ZNF358: variants seen among roughly 807,000 people sequenced by gnomAD.
ZNF358 encodes zinc finger protein 358.
Under a neutral mutation model 2.1 loss-of-function variants are expected in ZNF358, and 1 was observed. That is an observed-to-expected ratio of 0.49 (90% CI 0.17 to 2.30). The LOEUF (loss-of-function observed/expected upper bound fraction) is 2.30, where lower values mean the gene tolerates loss of function less well. ZNF358 is among the 30% of genes most tolerant of loss of function. The pLI, the probability that ZNF358 is intolerant of heterozygous loss-of-function variation, is 0.26. For missense variants in ZNF358, 665 were observed against 806.8 expected (o/e 0.82, Z 2.13); for synonymous variants, 381 against 359.7 (o/e 1.06, Z -0.67).
At position 7,520,291 on chromosome 19, in the gene ZNF358, C is replaced by T. The variant is rs780553494; in HGVS notation, c.1049C>T (p.Pro350Leu). 1.9e-6 allele frequency: 3 copies of T among 1,610,754 alleles called. No individual in the cohort carries two copies. The highest frequency in any genetic ancestry group is 4.5e-5 in the East Asian group (2 of 44,860). ...ACGGGCGAGCGGCCCTACGCCTGCCCGCACTGCTCCAAGGCCTTCGGCCAG... is the reference window on the plus strand; with the variant it reads ...ACGGGCGAGCGGCCCTACGCCTGCCTGCACTGCTCCAAGGCCTTCGGCCAG... ...IHTGERPYACPHCSKAFGQSS... is the reference protein window; with the variant it reads ...IHTGERPYACLHCSKAFGQSS... Residue 350 changes from proline to leucine, a missense_variant, in exon 2 of 2, where the codon CCG becomes CTG. Around this residue, in one of 3 missense-constraint regions of ZNF358, gnomAD observed 210 missense variants for 350.8 expected, o/e 0.60. Transcript: ENST00000597229. The surrounding 1 kb of genome is among the most constrained non-coding windows in gnomAD (Gnocchi z 6.0).
chr19:7,516,175 G>T lies in ZNF358; in HGVS notation c.-113G>T. ...GCCGCCGGCGGGGCTGGCGGGCGGG[G>T]GGCTTCCTGCGGGCCCGGGGGGAGC... is the stretch of plus-strand genomic sequence containing the variant. On this transcript the variant is annotated 5_prime_UTR_variant, in exon 1 of 2. Coordinates refer to ENST00000597229, the MANE Select transcript of ZNF358 (RefSeq NM_018083.5). This position sits in a 1 kb window ranked among gnomAD's most constrained non-coding sequence, Gnocchi z 5.9. The T allele has an allele frequency of 6.9e-6, 1 of 145,010 alleles. No homozygotes were observed. Among genetic ancestry groups the T allele is most frequent in the South Asian group, 2.0e-4 (1 of 5,096 alleles). 9.0% of individuals were successfully genotyped at this position (145,010 alleles called of 1,614,324 possible).
At chr19:7,514,020 A>G (rs183776070), upstream of ZNF358, 1 of 152,336 alleles carries the variant, frequency 6.6e-6, no homozygotes, top group Admixed American at 6.5e-5. Flanking sequence ...GGCTATATCC[A>G]GGAGCTCAAC....
intron 1 of ZNF358, 117 bp from the exon 2 acceptor site, chr19:7,519,084 AAAAG>A (rs1324857185): frequency 1.2e-4 from 148 of 1,192,312 alleles, no homozygotes; most frequent in African/African-American, 2.7e-4. Context: ...AAAAAAAAAA[AAAAG>A]AAGTGGGTTC....
chr19:7,515,325 GC>G (rs1457360756), upstream of ZNF358: 2 of 152,234 alleles, frequency 1.3e-5, no homozygotes, highest in Non-Finnish European at 2.9e-5. Context: ...GCCCTTCCCG[GC>G]CCGGCGTAGG....
chr19:7,518,362 G>A (rs1391076101), intron 1 of ZNF358, among the ~76,000 whole-genome samples: 1 of 151,946 alleles, frequency 6.6e-6, no homozygotes, highest in East Asian at 1.9e-4. Flanking sequence ...TGTAATCCCA[G>A]CACTTTCTGA....
chr19:7,518,598 A>AGAAAGAAAGGAAGAAT (rs111382515), intron 1 of ZNF358, among the ~76,000 whole-genome samples: 2 of 142,366 alleles, frequency 1.4e-5, no homozygotes, highest in Non-Finnish European at 3.0e-5. Context: ...AAAGAAAGAA[A>AGAAAGAAAGGAAGAAT]GAATTGAAGT....
intron 1 of ZNF358, among the ~76,000 whole-genome samples, chr19:7,517,311 C>T (rs908215214): frequency 3.9e-5 from 6 of 152,162 alleles, no homozygotes; most frequent in African/African-American, 1.4e-4. Context: ...CCGCCATGTC[C>T]CAGCCATGGG....
chr19:7,518,557 G>GAGAAAGAAGAAAGAAAGAA (rs1555740136), intron 1 of ZNF358, among the ~76,000 whole-genome samples: 1 of 116,066 alleles, frequency 8.6e-6, no homozygotes, highest in African/African-American at 3.8e-5. Flanking sequence ...GAGAGAGAGA[G>GAGAAAGAAGAAAGAAAGAA]AGAAAGAAAG....
In ZNF358 at chr19:7,519,338, T is replaced by C. The variant is rs1236850267; in HGVS notation, c.96T>C (p.Asn32=). Residue 32 remains asparagine (N), a synonymous_variant, in exon 2 of 2, where the codon AAT becomes AAC. Transcript: ENST00000597229. The part of the protein sequence containing the change: ...LDSDSEDLDP[N]PEDLDPVSED... ...CTGACTCCGAGGACCTAGACCCCAA[T>C]CCTGAAGATCTGGACCCGGTTTCTG... 12 of 1,613,296 alleles carry C rather than the reference T, an allele frequency of 7.4e-6. No homozygotes were observed. Among genetic ancestry groups the C allele is most frequent in the African/African-American group, 1.3e-5 (1 of 74,800 alleles).
rs996675901 is a variant in ZNF358, at chr19:7,516,774, G to A, written c.-39+525G>A. Among the ~76,000 whole-genome samples the A allele has an allele frequency of 2.6e-5, 4 of 152,064 alleles. No individual in the cohort carries two copies. The highest frequency in any genetic ancestry group is 2.0e-4 in the Admixed American group (3 of 15,280). Reference sequence around the variant, plus strand: ...GTTCTGGAAGCTCCTTTCCCTGGAGGTGATCCAGGGGTCCACCTGCCCTCA... The same window carrying A: ...GTTCTGGAAGCTCCTTTCCCTGGAGATGATCCAGGGGTCCACCTGCCCTCA... On this transcript the variant is annotated intron_variant, in intron 1 of 1. Transcript: ENST00000597229. This position sits in a 1 kb window ranked among gnomAD's most constrained non-coding sequence, Gnocchi z 5.9.
In ZNF358 at chr19:7,519,432, C is replaced by A; in HGVS notation, c.190C>A (p.Leu64Met). 6.2e-7 allele frequency: 1 copy of A among 1,614,146 alleles called. No homozygotes were observed. Among genetic ancestry groups the A allele is most frequent in the Non-Finnish European group, 8.5e-7 (1 of 1,180,036 alleles). ...PEDVDPSYED[L>M]EPVSEDLDPD... is the part of the protein sequence containing the mutation. ...AGACGTGGACCCCAGCTATGAAGAT[C>A]TGGAGCCCGTCTCGGAGGATCTGGA... Residue 64 changes from leucine to methionine, a missense_variant, in exon 2 of 2, where the codon CTG becomes ATG. Physicochemically the swap from Leu to Met is conservative, Grantham distance 15 (BLOSUM62 2). Around this residue, in one of 3 missense-constraint regions of ZNF358, gnomAD observed 206 missense variants for 228.4 expected, o/e 0.90. Transcript: ENST00000597229.
Position 7,519,408 on chromosome 19 carries a change from G to GA in ZNF358, c.167dup (p.Asp56GlufsTer7), listed in dbSNP as rs2022417613. ...TGAAGACCTCAACACTGTCCCGGAA[G>GA]ACGTGGACCCCAGCTATGAAGATCT... is the stretch of plus-strand genomic sequence containing the variant. On this transcript the variant is annotated frameshift_variant, in exon 2 of 2. Transcript: ENST00000597229. LOFTEE classifies it low-confidence loss of function (END_TRUNC). The GA allele has an allele frequency of 6.2e-7, 1 of 1,614,008 alleles. No homozygotes were observed. Among genetic ancestry groups the GA allele is most frequent in the Non-Finnish European group, 8.5e-7 (1 of 1,180,038 alleles).
Position 7,519,821 on chromosome 19 carries a change from C to T in ZNF358, c.579C>T (p.Thr193=). The change falls in exon 2 of 2, where the codon ACC becomes ACT. Residue 193 remains threonine, a synonymous_variant. Coordinates refer to ENST00000597229, the MANE Select transcript of ZNF358 (RefSeq NM_018083.5). ...GGAAGTCCTTCAGCCACGGTGCCAC[C>T]CTGGCTCAGCACCGTGGCATCCACA... is the stretch of plus-strand genomic sequence containing the variant. ...DCGKSFSHGA[T]LAQHRGIHTG... is the part of the protein sequence containing the mutation. 1 of 1,531,228 alleles carries T rather than the reference C, an allele frequency of 6.5e-7. No homozygotes were observed. Among genetic ancestry groups the T allele is most frequent in the East Asian group, 2.5e-5 (1 of 40,656 alleles). The allele number at this position is 1,531,228 out of a possible 1,614,324, so 94.9% of individuals were successfully genotyped here. A position where few individuals can be genotyped will look rare whatever the true frequency, so the allele number is the denominator to read the frequency against.
At chr19:7,518,846 C>T (rs545538017) in intron 1 of ZNF358, among the ~76,000 whole-genome samples, 43 of 152,142 alleles carry the variant, frequency 2.8e-4, no homozygotes, top group African/African-American at 1.0e-3. Context: ...ATGCAGATCA[C>T]CTGAGGTCAG....
Position 7,520,474 on chromosome 19 carries a change from C to G in ZNF358, c.1232C>G (p.Ala411Gly), listed in dbSNP as rs775523032. 2 of 1,103,694 alleles carry G rather than the reference C, an allele frequency of 1.8e-6. No individual in the cohort carries two copies. The highest frequency in any genetic ancestry group is 1.7e-5 in the African/African-American group (1 of 58,656). 68.4% of individuals were successfully genotyped at this position (1,103,694 alleles called of 1,614,324 possible). The change falls in exon 2 of 2, where the codon GCT (alanine) becomes GGT (glycine). Residue 411 changes from alanine to glycine, a missense_variant. By Grantham distance (60) the Ala-to-Gly change is moderately conservative. Transcript: ENST00000597229. This position sits in a 1 kb window ranked among gnomAD's most constrained non-coding sequence, Gnocchi z 6.0. ...AAAAAAAAAA[A>G]AAAAAGLGLG... Reference sequence around the variant, plus strand: ...GCTGCAGCTGCCGCGGCCGCTGCAGCTGCAGCAGCGGCCGCCGGCCTGGGC... The same window carrying G: ...GCTGCAGCTGCCGCGGCCGCTGCAGGTGCAGCAGCGGCCGCCGGCCTGGGC...
At position 7,519,313 on chromosome 19, in the gene ZNF358, C is replaced by T; in HGVS notation, c.71C>T (p.Ser24Phe). The change falls in exon 2 of 2, where the codon TCT becomes TTT. Residue 24 changes from serine (S) to phenylalanine (F), a missense_variant. Ser to Phe is a radical substitution (Grantham distance 155). Coordinates refer to ENST00000597229, the MANE Select transcript of ZNF358 (RefSeq NM_018083.5). ...GLRPVYEELD[S>F]DSEDLDPNPE... ...AGACCCGTTTATGAAGAGCTCGACT[C>T]TGACTCCGAGGACCTAGACCCCAAT... The T allele has an allele frequency of 6.2e-7, 1 of 1,614,130 alleles. No homozygotes were observed.
At chr19:7,515,466 C>T (rs2022323519), upstream of ZNF358, 1 of 152,120 alleles carries the variant, frequency 6.6e-6, no homozygotes, top group African/African-American at 2.4e-5. Context: ...GCGGGTGTTA[C>T]CCAGAAAGGG....
intron 1 of ZNF358, 28 bp from the exon 2 acceptor site, chr19:7,519,177 C>A: frequency 1.3e-6 from 2 of 1,557,900 alleles, no homozygotes; most frequent in Non-Finnish European, 8.7e-7. Context: ...ACCCACCTAC[C>A]CTCTACCCTC....
Position 7,519,202 on chromosome 19 carries a change from C to T in ZNF358, c.-38-3C>T. On this transcript the variant is annotated splice_region_variant and splice_polypyrimidine_tract_variant and intron_variant, in intron 1 of 1. Transcript: ENST00000597229. ...CCTCTACCCTCTATCCTTGCCCTTGCAGGTCTTGCCCCAGAAGCTGCGGGC... is the reference window on the plus strand; with the variant it reads ...CCTCTACCCTCTATCCTTGCCCTTGTAGGTCTTGCCCCAGAAGCTGCGGGC... 1 of 1,592,740 alleles carries T rather than the reference C, an allele frequency of 6.3e-7. No individual in the cohort carries two copies. The highest frequency in any genetic ancestry group is 8.5e-7 in the Non-Finnish European group (1 of 1,170,274).
Sources: allele counts gnomAD v4.1 joint callset (sites outside exome capture counted in the v4.1 genomes callset), GRCh38; gene constraint gnomAD v4.1.1; regional missense constraint gnomAD v4.1.1; non-coding constraint Gnocchi (gnomAD v3.1); transcripts MANE v1.5; gene names NCBI Gene and HGNC (gene_info 2026-07-23, HGNC 2026-07-21).